SGCD: variants seen among roughly 807,000 people sequenced by gnomAD.
SGCD encodes the protein sarcoglycan delta, also known as delta-sarcoglycan.
In SGCD, 18 loss-of-function variants were observed where a neutral mutation model predicts 36.6. That is an observed-to-expected ratio of 0.49 (90% CI 0.34 to 0.73). SGCD has a LOEUF of 0.73. Ranked by LOEUF, SGCD falls within the 30% of genes least tolerant of loss-of-function variation. SGCD has a pLI of 0.01. For synonymous variants in SGCD, 133 were observed against 130.6 expected (o/e 1.02, Z -0.12); for missense variants, 387 against 346.7 (o/e 1.12, Z -0.92).
intron 1 of SGCD, among the ~76,000 whole-genome samples, chr5:156,109,140 G>A (rs1761722194): frequency 6.6e-6 from 1 of 152,066 alleles, no homozygotes; most frequent in Non-Finnish European, 1.5e-5. Flanking sequence ...GGTGGCTCCT[G>A]CTAGCTGGCT....
chr5:155,787,553 C>A, the SGCD span, among the ~76,000 whole-genome samples: 2 of 152,052 alleles, frequency 1.3e-5, no homozygotes, highest in South Asian at 4.2e-4. Context: ...GGAATGTGGG[C>A]GAAGGTGTTT....
At chr5:156,268,141 C>T (rs949264017) in intron 3 of SGCD, among the ~76,000 whole-genome samples, 1 of 152,164 alleles carries the variant, frequency 6.6e-6, no homozygotes, top group Non-Finnish European at 1.5e-5. Context: ...TCAGCTCCAT[C>T]CATGTTCCTG....
At chr5:155,966,536 A>G (rs548935488) in intron 1 of SGCD, among the ~76,000 whole-genome samples, 6 of 152,290 alleles carry the variant, frequency 3.9e-5, no homozygotes, top group African/African-American at 1.4e-4. Flanking sequence ...AGGCACATCA[A>G]CAAGTTGCAG....
intron 3 of SGCD, among the ~76,000 whole-genome samples, chr5:156,228,255 A>G (rs1368094258): frequency 2.0e-5 from 3 of 152,014 alleles, no homozygotes; most frequent in African/African-American, 4.8e-5. Flanking sequence ...GCGGTCCCCC[A>G]CTATTATTGT....
At chr5:156,448,034 AG>A (rs1753823020) in intron 3 of SGCD, among the ~76,000 whole-genome samples, 1 of 152,164 alleles carries the variant, frequency 6.6e-6, no homozygotes, top group Non-Finnish European at 1.5e-5. Flanking sequence ...ATTCAAACTC[AG>A]GTCTGTCTGA....
At position 156,444,571 on chromosome 5, in the gene SGCD, A is replaced by G. The variant is rs569027597; in HGVS notation, c.193-64030A>G. On this transcript the variant is annotated intron_variant, in intron 3 of 8. Coordinates refer to ENST00000337851, the MANE Select transcript of SGCD (RefSeq NM_000337.6). ...TGAAAAGGTTGACATTCCTGAGCAT[A>G]AGAATCTCTCTGTGCCTCCCCGACT... is the stretch of plus-strand genomic sequence containing the variant. Among the ~76,000 whole-genome samples, 40 of 152,088 alleles carry G rather than the reference A, an allele frequency of 2.6e-4. No homozygotes were observed. In the South Asian group the frequency reaches 6.9e-3, roughly 26 times the overall value.
chr5:156,108,834 G>T (rs1263655253), intron 1 of SGCD, among the ~76,000 whole-genome samples: 1 of 152,198 alleles, frequency 6.6e-6, no homozygotes, highest in South Asian at 2.1e-4. Flanking sequence ...AGTGGGCTAA[G>T]AAATTAGACA....
intron 3 of SGCD, among the ~76,000 whole-genome samples, chr5:156,381,942 G>A (rs951681979): frequency 6.6e-6 from 1 of 152,080 alleles, no homozygotes; most frequent in South Asian, 2.1e-4. Context: ...TATAATCTGT[G>A]TAAATCACTT....
chr5:156,030,398 G>A (rs551760595), intron 1 of SGCD, among the ~76,000 whole-genome samples: 178 of 152,268 alleles, frequency 1.2e-3, no homozygotes, highest in Non-Finnish European at 1.6e-3. Flanking sequence ...GAAATGCCAG[G>A]TGACGGCAGA....
chr5:155,986,871 G>A (rs17619501), intron 1 of SGCD, among the ~76,000 whole-genome samples: 2,246 of 152,180 alleles, frequency 0.015, 36 homozygotes, highest in Middle Eastern at 0.065. Context: ...CATTTAAAAC[G>A]CCCTGCACTA....
At chr5:156,280,281 T>A (rs1212365924) in intron 3 of SGCD, among the ~76,000 whole-genome samples, 1 of 152,206 alleles carries the variant, frequency 6.6e-6, no homozygotes, top group African/African-American at 2.4e-5. Flanking sequence ...CGGCATTGTA[T>A]TAATAGGTAT....
chr5:155,944,298 G>A (rs936589436), intron 1 of SGCD, among the ~76,000 whole-genome samples: 1 of 152,170 alleles, frequency 6.6e-6, no homozygotes, highest in South Asian at 2.1e-4. Context: ...AAAAGTAAAT[G>A]TGTATATATG....
At chr5:155,964,412 C>T (rs1429808541) in intron 1 of SGCD, among the ~76,000 whole-genome samples, 1 of 152,044 alleles carries the variant, frequency 6.6e-6, no homozygotes, top group Non-Finnish European at 1.5e-5. Context: ...GATCTCAGCT[C>T]ACTGCAACCT....
chr5:155,783,593 G>C, the SGCD span, among the ~76,000 whole-genome samples: 1 of 150,992 alleles, frequency 6.6e-6, no homozygotes, highest in Non-Finnish European at 1.5e-5. Flanking sequence ...TTCTGTATTT[G>C]TCATAGTGGG....
At chr5:155,842,711 A>T in the SGCD span, among the ~76,000 whole-genome samples, 7 of 152,250 alleles carry the variant, frequency 4.6e-5, no homozygotes, top group Non-Finnish European at 8.8e-5. Context: ...ATAGAATTTT[A>T]ATAAATTAGC....
the SGCD span, among the ~76,000 whole-genome samples, chr5:155,859,598 T>C: frequency 6.6e-6 from 1 of 152,196 alleles, no homozygotes; most frequent in Non-Finnish European, 1.5e-5. Context: ...TTACCTAGTA[T>C]TTCATCACTT....
intron 1 of SGCD, among the ~76,000 whole-genome samples, chr5:156,068,840 T>C (rs933780906): frequency 6.6e-5 from 10 of 151,920 alleles, no homozygotes; most frequent in African/African-American, 2.4e-4. Flanking sequence ...TGGTATCTCA[T>C]TGTGGTTTTG....
At chr5:156,540,309 T>G (rs917582275) in intron 4 of SGCD, among the ~76,000 whole-genome samples, 16 of 152,064 alleles carry the variant, frequency 1.1e-4, no homozygotes, top group Non-Finnish European at 1.6e-4. Context: ...TGTCACTTAT[T>G]TTTTTTAGGA....
At chr5:156,597,165 A>G (rs1436176553) in intron 6 of SGCD, among the ~76,000 whole-genome samples, 2 of 152,202 alleles carry the variant, frequency 1.3e-5, no homozygotes, top group Non-Finnish European at 2.9e-5. Flanking sequence ...CCTAGAGAAG[A>G]TATTTTTATA....
Sources: allele counts gnomAD v4.1 joint callset (sites outside exome capture counted in the v4.1 genomes callset), GRCh38; gene constraint gnomAD v4.1.1; transcripts MANE v1.5; gene names NCBI Gene and HGNC (gene_info 2026-07-23, HGNC 2026-07-21).